The following ATP6V1A variants were observed in gnomAD, a reference collection of about 807,000 sequenced individuals.
The protein encoded by ATP6V1A is V-type proton ATPase catalytic subunit A.
Under a neutral mutation model 70.1 loss-of-function variants are expected in ATP6V1A, and 18 were observed. The observed-to-expected ratio is 0.26, with a 90% CI of 0.18 to 0.38. The LOEUF (loss-of-function observed/expected upper bound fraction) is 0.38. Among genes scored for constraint, ATP6V1A ranks in the 10% least tolerant of loss-of-function variants. The pLI, the probability that ATP6V1A is intolerant of heterozygous loss-of-function variation, is 1.00. For synonymous variants in ATP6V1A, 232 were observed against 253.8 expected (o/e 0.91, Z 0.82); for missense variants, 424 against 772.4 (o/e 0.55, Z 5.35).
Position 113,805,370 on chromosome 3 carries a change from A to C in ATP6V1A, c.1606A>C (p.Lys536Gln). 7 of 1,614,026 alleles carry C rather than the reference A, an allele frequency of 4.3e-6. No homozygotes were observed. Among genetic ancestry groups the C allele is most frequent in the Non-Finnish European group, 5.9e-6 (7 of 1,179,960 alleles). Residue 536 changes from lysine to glutamine, a missense_variant, in exon 14 of 15, where the codon AAG becomes CAG. Lys to Gln is a moderately conservative substitution (Grantham distance 53). Around this residue, in one of 9 missense-constraint regions of ATP6V1A, gnomAD observed 127 missense variants for 207.9 expected, o/e 0.61. Transcript: ENST00000273398. ...TTATTCTAGGTTCTGCCCATTCTAC[A>C]AGACAGTAGGGATGCTGTCCAACAT... ...TPYDRFCPFY[K>Q]TVGMLSNMIA...
intron 1 of ATP6V1A, among the ~76,000 whole-genome samples, chr3:113,767,411 G>A (rs1559751419): frequency 6.6e-6 from 1 of 152,112 alleles, no homozygotes; most frequent in African/African-American, 2.4e-5. Context: ...TTTAATTTCA[G>A]AACATTTTAC....
chr3:113,803,517 A>T, intron 12 of ATP6V1A, 66 bp from the exon 13 acceptor site: 1 of 1,180,060 alleles, frequency 8.5e-7, no homozygotes, highest in Non-Finnish European at 1.2e-6. Flanking sequence ...TCTGCTTGTT[A>T]ATTAATTGCC....
intron 14 of ATP6V1A, among the ~76,000 whole-genome samples, chr3:113,808,352 C>T (rs1273254871): frequency 2.4e-5 from 3 of 127,598 alleles, no homozygotes; most frequent in South Asian, 2.8e-4. Flanking sequence ...AGTGCAGTGA[C>T]GCGATCTCAG....
At chr3:113,763,813 C>G (rs1194144456) in intron 1 of ATP6V1A, among the ~76,000 whole-genome samples, 2 of 151,920 alleles carry the variant, frequency 1.3e-5, no homozygotes, top group Non-Finnish European at 2.9e-5. Context: ...TTGATATTAT[C>G]TTAGATTAGG....
At chr3:113,795,843 T>C (rs1391788980) in intron 10 of ATP6V1A, 33 bp from the exon 11 acceptor site, 3 of 1,557,626 alleles carry the variant, frequency 1.9e-6, no homozygotes, top group Non-Finnish European at 2.6e-6. Flanking sequence ...ATGACCATTT[T>C]TTTTGTAATG....
At chr3:113,798,743 A>G (rs1461132445) in intron 12 of ATP6V1A, among the ~76,000 whole-genome samples, 2 of 152,220 alleles carry the variant, frequency 1.3e-5, no homozygotes, top group Admixed American at 1.3e-4. Flanking sequence ...TGCTAGGGCT[A>G]GGTTTCAGAA....
intron 2 of ATP6V1A, chr3:113,780,607 G>C (rs1455298842): frequency 2.2e-6 from 1 of 459,772 alleles, no homozygotes; most frequent in South Asian, 2.2e-5. Context: ...GTTGCTTTAG[G>C]TCTGTCTCTC....
At chr3:113,760,535 T>C (rs925642702) in intron 1 of ATP6V1A, among the ~76,000 whole-genome samples, 1 of 151,380 alleles carries the variant, frequency 6.6e-6, no homozygotes, top group Non-Finnish European at 1.5e-5. Context: ...GAGACCATCC[T>C]GGCCAACATG....
Position 113,795,097 on chromosome 3 carries a change from A to T in ATP6V1A, c.1119A>T (p.Gly373=). ...TTTCTTTTCATTTTTCAGATAGTGG[A>T]TATCCAGCCTATCTTGGTGCCCGTC... ...GRLAEMPADS[G]YPAYLGARLA... is the part of the protein sequence containing the mutation. Residue 373 remains glycine, a synonymous_variant, in exon 10 of 15, where the codon GGA becomes GGT. Transcript: ENST00000273398. The T allele has an allele frequency of 6.2e-7, 1 of 1,614,064 alleles. No individual in the cohort carries two copies. Among genetic ancestry groups the T allele is most frequent in the Non-Finnish European group, 8.5e-7 (1 of 1,179,988 alleles).
chr3:113,769,050 T>A (rs1011684271), intron 1 of ATP6V1A, among the ~76,000 whole-genome samples: 7 of 152,226 alleles, frequency 4.6e-5, no homozygotes, highest in African/African-American at 1.7e-4. Context: ...TGAACAAAGT[T>A]GGCTTTTGGT....
At chr3:113,757,455 A>T (rs1389562644) in intron 1 of ATP6V1A, among the ~76,000 whole-genome samples, 1 of 152,202 alleles carries the variant, frequency 6.6e-6, no homozygotes, top group East Asian at 1.9e-4. Flanking sequence ...AAATTATTAG[A>T]GCTTAATCTG....
chr3:113,781,697 T>A (rs958006427), intron 3 of ATP6V1A, among the ~76,000 whole-genome samples: 1 of 152,214 alleles, frequency 6.6e-6, no homozygotes, highest in Non-Finnish European at 1.5e-5. Context: ...GAAATTAGTA[T>A]CTTCTGAACT....
In ATP6V1A at chr3:113,784,815, T is replaced by C. The variant is rs770058981; in HGVS notation, c.546T>C (p.Pro182=). Residue 182 remains proline, a synonymous_variant, in exon 5 of 15, where the codon CCT becomes CCC. Coordinates refer to ENST00000273398, the MANE Select transcript of ATP6V1A (RefSeq NM_001690.4). ...GAACTGTAACTTACATTGCTCCACC[T>C]GGGAATTATGATACCTCTGTAAGTA... ...NRGTVTYIAP[P]GNYDTSDVVL... 3.1e-6 allele frequency: 5 copies of C among 1,613,992 alleles called. No homozygotes were observed. In the Admixed American group the frequency reaches 6.7e-5, roughly 22 times the overall value.
Position 113,788,821 on chromosome 3 carries a change from A to T in ATP6V1A, c.825A>T (p.Val275=). Residue 275 remains valine, a synonymous_variant, in exon 7 of 15, where the codon GTA becomes GTT. Coordinates refer to ENST00000273398, the MANE Select transcript of ATP6V1A (RefSeq NM_001690.4). ...KYSNSDVIIY[V]GCGERGNEMS... is the part of the protein sequence containing the mutation. Reference sequence around the variant, plus strand: ...CTAACAGTGATGTAATCATCTATGTAGGATGTGGTGAAAGAGGAAATGAGA... The same window carrying T: ...CTAACAGTGATGTAATCATCTATGTTGGATGTGGTGAAAGAGGAAATGAGA... 1 of 1,613,812 alleles carries T rather than the reference A, an allele frequency of 6.2e-7. No individual in the cohort carries two copies. The highest frequency in any genetic ancestry group is 8.5e-7 in the Non-Finnish European group (1 of 1,179,926).
At chr3:113,803,250 C>A in intron 12 of ATP6V1A, 3 of 187,496 alleles carry the variant, frequency 1.6e-5, no homozygotes, top group Non-Finnish European at 3.3e-5. Flanking sequence ...TAGTGGTTAC[C>A]AGGGGCTGGG....
Position 113,809,413 on chromosome 3 carries a change from A to G in ATP6V1A, c.1840A>G (p.Ser614Gly), listed in dbSNP as rs1256715466. The change falls in exon 15 of 15, where the codon AGC becomes GGC. Residue 614 changes from serine to glycine, a missense_variant. Ser to Gly is a moderately conservative substitution (Grantham distance 56, BLOSUM62 0). Coordinates refer to ENST00000273398, the MANE Select transcript of ATP6V1A (RefSeq NM_001690.4). Reference protein sequence around the residue: ...LLEDMQNAFRSLED With the variant: ...LLEDMQNAFRGLED ...TGAAGACATGCAGAATGCATTCCGT[A>G]GCCTTGAAGATTAGAAGCCTTGAAG... is the stretch of plus-strand genomic sequence containing the variant. 1.2e-6 allele frequency: 2 copies of G among 1,613,436 alleles called. No homozygotes were observed. The highest frequency in any genetic ancestry group is 3.3e-5 in the Admixed American group (2 of 60,010).
intron 14 of ATP6V1A, among the ~76,000 whole-genome samples, chr3:113,808,267 G>T (rs990094396): frequency 6.7e-6 from 1 of 148,796 alleles, no homozygotes; most frequent in Non-Finnish European, 1.5e-5. Flanking sequence ...TAGAGACCTG[G>T]AACATTTTAA....
chr3:113,767,152 C>T (rs954840987), intron 1 of ATP6V1A, among the ~76,000 whole-genome samples: 9 of 135,958 alleles, frequency 6.6e-5, no homozygotes, highest in Non-Finnish European at 1.1e-4. Context: ...AGTGCAGTGG[C>T]GTGATCTTGG....
chr3:113,795,254 A>ATTAAAGAGAGAAAAAAAGTCACTTATT, intron 10 of ATP6V1A, 50 bp downstream of exon 10: 1 of 1,559,520 alleles, frequency 6.4e-7, no homozygotes, highest in Non-Finnish European at 8.7e-7. Flanking sequence ...TCACAGATGT[A>ATTAAAGAGAGAAAAAAAGTCACTTATT]TTAAAGAGAG....
Sources: allele counts gnomAD v4.1 joint callset (sites outside exome capture counted in the v4.1 genomes callset), GRCh38; gene constraint gnomAD v4.1.1; regional missense constraint gnomAD v4.1.1; transcripts MANE v1.5; gene names NCBI Gene and HGNC (gene_info 2026-07-23, HGNC 2026-07-21).